Variants in NLGN1 observed in about 807,000 individuals in gnomAD.
The protein encoded by NLGN1 is neuroligin 1, also known as neuroligin-1.
A neutral mutation model predicts 65.5 loss-of-function variants in NLGN1; 12 were observed. The ratio of observed to expected loss-of-function variants is 0.18; its 90% CI spans 0.12 to 0.30. The LOEUF is 0.30. NLGN1 is among the 10% of genes least tolerant of loss of function. NLGN1 has a pLI of 1.00. For missense variants in NLGN1, 750 were observed against 1,007.1 expected, an observed-to-expected ratio of 0.74 and a Z score of 3.46; for synonymous variants, 350 against 359.5, an observed-to-expected ratio of 0.97 and a Z score of 0.30.
At chr3:173,881,666 T>C (rs965779893) in intron 4 of NLGN1, among the ~76,000 whole-genome samples, 4 of 152,004 alleles carry the variant, frequency 2.6e-5, no homozygotes, top group Admixed American at 2.6e-4. Context: ...GACCTCGTGA[T>C]CCACCCACCT....
At chr3:173,842,416 G>A (rs907472107) in intron 4 of NLGN1, among the ~76,000 whole-genome samples, 1 of 152,046 alleles carries the variant, frequency 6.6e-6, no homozygotes, top group Non-Finnish European at 1.5e-5. Context: ...TAACTCAGAA[G>A]TCCACAGTCC....
intron 2 of NLGN1, among the ~76,000 whole-genome samples, chr3:173,586,979 T>C (rs1400963672): frequency 6.6e-6 from 1 of 152,178 alleles, no homozygotes. Flanking sequence ...AAATAAGTAA[T>C]GAAGGTGAGT....
intron 2 of NLGN1, among the ~76,000 whole-genome samples, chr3:173,440,924 A>G (rs1719064976): frequency 1.3e-5 from 2 of 152,222 alleles, no homozygotes; most frequent in Admixed American, 1.3e-4. Context: ...TTCTTCTAAT[A>G]GAAGGCTGTT....
At chr3:174,064,840 A>G (rs1196950539) in intron 4 of NLGN1, among the ~76,000 whole-genome samples, 2 of 150,494 alleles carry the variant, frequency 1.3e-5, no homozygotes, top group African/African-American at 4.8e-5. Flanking sequence ...GGTTATATAT[A>G]TGGATATACA....
At chr3:174,170,694 TAG>T (rs1728361923) in intron 4 of NLGN1, among the ~76,000 whole-genome samples, 1 of 152,206 alleles carries the variant, frequency 6.6e-6, no homozygotes, top group African/African-American at 2.4e-5. Flanking sequence ...CATATGGCAC[TAG>T]CTAATGTGCA....
At chr3:174,021,899 G>A (rs544987780) in intron 4 of NLGN1, among the ~76,000 whole-genome samples, 1 of 152,284 alleles carries the variant, frequency 6.6e-6, no homozygotes, top group South Asian at 2.1e-4. Context: ...AGCTCTCTGT[G>A]AAGGGTCCTT....
chr3:173,545,432 A>G (rs998370800), intron 2 of NLGN1, among the ~76,000 whole-genome samples: 3 of 152,182 alleles, frequency 2.0e-5, no homozygotes, highest in African/African-American at 7.2e-5. Flanking sequence ...AAATAGAAAA[A>G]AATGTACATT....
intron 3 of NLGN1, among the ~76,000 whole-genome samples, chr3:173,687,060 G>A (rs1764796816): frequency 6.6e-6 from 1 of 152,186 alleles, no homozygotes; most frequent in Admixed American, 6.5e-5. Context: ...TGGAAAGTGT[G>A]TAGCACTGGG....
chr3:174,229,276 GAA>G (rs1407623352), intron 4 of NLGN1, among the ~76,000 whole-genome samples: 1 of 152,080 alleles, frequency 6.6e-6, no homozygotes, highest in Non-Finnish European at 1.5e-5. Context: ...TTTGGGTTAT[GAA>G]TCTGTCATTT....
chr3:174,263,081 T>G (rs1453446411), intron 4 of NLGN1, among the ~76,000 whole-genome samples: 3 of 145,684 alleles, frequency 2.1e-5, no homozygotes, highest in African/African-American at 5.2e-5. Flanking sequence ...CTTTTACATT[T>G]GCTGAGGAGA....
At chr3:173,747,998 C>T (rs1248773659) in intron 3 of NLGN1, among the ~76,000 whole-genome samples, 1 of 151,110 alleles carries the variant, frequency 6.6e-6, no homozygotes, top group Non-Finnish European at 1.5e-5. Context: ...TAGGGTTTTA[C>T]CATGTTGACC....
At chr3:174,242,804 C>T (rs546480020) in intron 4 of NLGN1, among the ~76,000 whole-genome samples, 1 of 152,098 alleles carries the variant, frequency 6.6e-6, no homozygotes, top group Non-Finnish European at 1.5e-5. Flanking sequence ...AAACCATTCC[C>T]GCCCCCATCC....
intron 4 of NLGN1, among the ~76,000 whole-genome samples, chr3:174,043,903 C>T (rs529142873): frequency 3.9e-5 from 6 of 152,212 alleles, no homozygotes; most frequent in Non-Finnish European, 8.8e-5. Flanking sequence ...GAGGTCTCTG[C>T]CCCTGCAGCC....
At chr3:173,673,498 G>C (rs527824023) in intron 3 of NLGN1, among the ~76,000 whole-genome samples, 1 of 152,230 alleles carries the variant, frequency 6.6e-6, no homozygotes, top group Non-Finnish European at 1.5e-5. Context: ...GCAAGGTCTA[G>C]TTTGCTTACC....
At chr3:173,656,603 C>G (rs1316371453) in intron 3 of NLGN1, among the ~76,000 whole-genome samples, 2 of 152,062 alleles carry the variant, frequency 1.3e-5, no homozygotes, top group African/African-American at 4.8e-5. Context: ...GTTGCCTTCT[C>G]CTCTGGTGAC....
chr3:173,569,690 G>A (rs1460701560), intron 2 of NLGN1, among the ~76,000 whole-genome samples: 1 of 151,390 alleles, frequency 6.6e-6, no homozygotes, highest in African/African-American at 2.4e-5. Flanking sequence ...TAAAAGATTA[G>A]GGTGCTTAAT....
intron 3 of NLGN1, among the ~76,000 whole-genome samples, chr3:173,747,009 G>A (rs921684014): frequency 1.3e-5 from 2 of 151,276 alleles, no homozygotes; most frequent in Non-Finnish European, 2.9e-5. Flanking sequence ...TTGCACTCCA[G>A]CCTAGGGTCT....
intron 1 of NLGN1, among the ~76,000 whole-genome samples, chr3:173,414,540 A>G (rs1713275876): frequency 6.6e-6 from 1 of 152,090 alleles, no homozygotes; most frequent in Admixed American, 6.5e-5. Context: ...AACCTTAGTT[A>G]AGAGACTAGA....
intron 4 of NLGN1, among the ~76,000 whole-genome samples, chr3:173,984,992 A>C (rs1345041550): frequency 1.3e-5 from 2 of 152,178 alleles, no homozygotes; most frequent in Admixed American, 6.5e-5. Flanking sequence ...CAGTGAACTG[A>C]GATAGTGCCA....
Sources: allele counts gnomAD v4.1 joint callset (sites outside exome capture counted in the v4.1 genomes callset), GRCh38; gene constraint gnomAD v4.1.1; transcripts MANE v1.5; gene names NCBI Gene and HGNC (gene_info 2026-07-23, HGNC 2026-07-21).